TRIML1: variants seen among roughly 807,000 people sequenced by gnomAD.
TRIML1 encodes tripartite motif family like 1, also known as probable E3 ubiquitin-protein ligase TRIML1.
A neutral mutation model predicts 32.3 loss-of-function variants in TRIML1; 34 were observed. The observed-to-expected ratio is 1.05, with a 90% confidence interval of 0.80 to 1.40. The LOEUF (loss-of-function observed/expected upper bound fraction) is 1.40, where lower values mean the gene tolerates loss of function less well. Among genes scored for constraint, TRIML1 ranks in the 40% most tolerant of loss-of-function variants. The pLI is 0.00. For synonymous variants in TRIML1, 244 were observed against 226.6 expected (o/e 1.08, Z -0.69); for missense variants, 595 against 574.9 (o/e 1.03, Z -0.36).
At position 188,139,523 on chromosome 4, in the gene TRIML1, G is replaced by C. The variant is rs1734764248; in HGVS notation, c.-36G>C. ...TGAGGGCTTTGCTAATCCCAGAACA[G>C]AGGTGTAACCTGGCTGCATATCCAG... On this transcript the variant is annotated 5_prime_UTR_variant, in exon 1 of 6. Transcript: ENST00000332517. The C allele has an allele frequency of 6.5e-7, 1 of 1,537,426 alleles. No individual in the cohort carries two copies.
rs1434116959 is a variant in TRIML1, at chr4:188,139,792, C to T, written c.234C>T (p.Ala78=). ...GTCTGGGGAGGCTGGCCAGCATCGC[C>T]AGGCAGCTCCGGTCCCAGGTGCTGC... is the stretch of plus-strand genomic sequence containing the variant. ...NERLGRLASI[A]RQLRSQVLQS... The change falls in exon 1 of 6, where the codon GCC becomes GCT. Residue 78 remains alanine (A), a synonymous_variant. Transcript: ENST00000332517. The T allele has an allele frequency of 1.9e-6, 3 of 1,613,926 alleles. No homozygotes were observed. The highest frequency in any genetic ancestry group is 2.5e-6 in the Non-Finnish European group (3 of 1,180,008).
intron 1 of TRIML1, among the ~76,000 whole-genome samples, chr4:188,140,222 GCCATTCT>G (rs1473469671): frequency 6.6e-6 from 1 of 151,292 alleles, no homozygotes; most frequent in Non-Finnish European, 1.5e-5. Context: ...CCAGGTTCAC[GCCATTCT>G]CCTGCCTCAG....
At chr4:188,148,575 G>T (rs944851160), downstream of TRIML1, among the ~76,000 whole-genome samples, 1 of 151,988 alleles carries the variant, frequency 6.6e-6, no homozygotes, top group African/African-American at 2.4e-5. Flanking sequence ...CATTAGGCTC[G>T]CTGTCTTTAG....
At chr4:188,144,761 G>A (rs577526596) in intron 5 of TRIML1, among the ~76,000 whole-genome samples, 2 of 152,144 alleles carry the variant, frequency 1.3e-5, no homozygotes, top group South Asian at 4.2e-4. Context: ...TACATTTCTA[G>A]CTCTGATCCC....
intron 2 of TRIML1, 45 bp from the exon 3 acceptor site, chr4:188,142,207 C>CGTGTGTGTCT (rs1734883227): frequency 1.1e-6 from 1 of 898,246 alleles, no homozygotes; most frequent in African/African-American, 1.8e-5. Context: ...AACTTTATCT[C>CGTGTGTGTCT]GTGTGTGTGT....
In TRIML1 at chr4:188,143,830, A is replaced by C; in HGVS notation, c.736-8A>C. 1 of 1,613,920 alleles carries C rather than the reference A, an allele frequency of 6.2e-7. No individual in the cohort carries two copies. The highest frequency in any genetic ancestry group is 8.5e-7 in the Non-Finnish European group (1 of 1,179,978). Reference sequence around the variant, plus strand: ...CACCATGCTAACTTCTTTCTTTTTTACCCGTAGGAAGTGAGAGGAGCCCTG... The same window carrying C: ...CACCATGCTAACTTCTTTCTTTTTTCCCCGTAGGAAGTGAGAGGAGCCCTG... On this transcript the variant is annotated splice_region_variant and splice_polypyrimidine_tract_variant and intron_variant, in intron 3 of 5. Coordinates refer to ENST00000332517, the MANE Select transcript of TRIML1 (RefSeq NM_178556.5).
chr4:188,149,876 C>T (rs1735204684), downstream of TRIML1, among the ~76,000 whole-genome samples: 2 of 152,106 alleles, frequency 1.3e-5, no homozygotes, highest in Non-Finnish European at 2.9e-5. Context: ...CATCTTGGCT[C>T]ACCGAAACCT....
rs61461219 is a variant in TRIML1 at position 188,142,207 on chromosome 4, C to CGTGTGTGT, written c.505-16_505-9dup. On this transcript the variant is annotated intron_variant, in intron 2 of 5. Coordinates refer to ENST00000332517, the MANE Select transcript of TRIML1 (RefSeq NM_178556.5). ...GGCATTTCTCTTACTAACTTTATCTCGTGTGTGTGTGTGTGTGTGTGTGTG... is the reference window on the plus strand; with the variant it reads ...GGCATTTCTCTTACTAACTTTATCTCGTGTGTGTGTGTGTGTGTGTGTGTGTGTGTGTG... 9.6e-3 allele frequency: 9,676 copies of CGTGTGTGT among 1,012,766 alleles called. 90 individuals carry two copies. Among genetic ancestry groups the CGTGTGTGT allele is most frequent in the African/African-American group, 0.053 (2,988 of 56,774 alleles). 62.7% of individuals were successfully genotyped at this position (1,012,766 alleles called of 1,614,324 possible).
downstream of TRIML1, among the ~76,000 whole-genome samples, chr4:188,149,924 T>G (rs1247045454): frequency 6.6e-6 from 1 of 151,982 alleles, no homozygotes; most frequent in Non-Finnish European, 1.5e-5. Flanking sequence ...TGCCTCAGCC[T>G]CCCGAGTAGC....
At chr4:188,150,674 T>A (rs1735230311), downstream of TRIML1, among the ~76,000 whole-genome samples, 1 of 151,890 alleles carries the variant, frequency 6.6e-6, no homozygotes, top group African/African-American at 2.4e-5. Flanking sequence ...TGGTAGATAC[T>A]GACAAAGAGT....
At chr4:188,139,265 T>C (rs1461440436), upstream of TRIML1, among the ~76,000 whole-genome samples, 1 of 152,110 alleles carries the variant, frequency 6.6e-6, no homozygotes, top group Non-Finnish European at 1.5e-5. Flanking sequence ...GTAATCCTGT[T>C]AGAAGCCAGA....
rs1279186527 is a variant in TRIML1 at position 188,143,794 on chromosome 4, T to C, written c.736-44T>C. ...TGCAAAATGAATTTCGTCTGTGTTATGATCAAAGCGCACCATGCTAACTTC... is the reference window on the plus strand; with the variant it reads ...TGCAAAATGAATTTCGTCTGTGTTACGATCAAAGCGCACCATGCTAACTTC... On this transcript the variant is annotated intron_variant, in intron 3 of 5. Transcript: ENST00000332517. 4.3e-6 allele frequency: 7 copies of C among 1,613,042 alleles called. No individual in the cohort carries two copies. In the South Asian group the frequency reaches 6.6e-5, roughly 15 times the overall value.
intron 5 of TRIML1, 43 bp downstream of exon 5, chr4:188,144,176 T>TA: frequency 6.6e-7 from 1 of 1,519,940 alleles, no homozygotes; most frequent in Non-Finnish European, 9.1e-7. Context: ...CTCGAAGAAT[T>TA]AACTTCAGCA....
intron 1 of TRIML1, 74 bp from the exon 2 acceptor site, chr4:188,140,454 G>T: frequency 8.2e-7 from 1 of 1,213,666 alleles, no homozygotes; most frequent in Admixed American, 1.7e-5. Context: ...GGACTGCGCA[G>T]TTACTGGTCT....
chr4:188,150,560 G>C (rs549253035), downstream of TRIML1, among the ~76,000 whole-genome samples: 2 of 152,068 alleles, frequency 1.3e-5, no homozygotes, highest in African/African-American at 2.4e-5. Flanking sequence ...TTTTGTGGAG[G>C]GACTAAATAA....
At chr4:188,141,048 CA>C (rs1734833351) in intron 2 of TRIML1, among the ~76,000 whole-genome samples, 1 of 151,898 alleles carries the variant, frequency 6.6e-6, no homozygotes, top group Non-Finnish European at 1.5e-5. Flanking sequence ...GACAAGTCCT[CA>C]AGGTTGGTCA....
chr4:188,146,362 A>G lies in TRIML1; in HGVS notation c.857-460A>G, dbSNP rs564847088. ...CTGTCTCCATTTAGAGCTTCATGCT[A>G]TGTGTTGTGGAACAGTCAAAGAAGA... On this transcript the variant is annotated intron_variant, in intron 5 of 5. Transcript: ENST00000332517. Among the ~76,000 whole-genome samples, 5 of 152,300 alleles carry G rather than the reference A, an allele frequency of 3.3e-5. No individual in the cohort carries two copies. In the East Asian group the frequency reaches 5.8e-4, roughly 18 times the overall value.
At chr4:188,149,912 C>T (rs1477413359), downstream of TRIML1, among the ~76,000 whole-genome samples, 1 of 152,116 alleles carries the variant, frequency 6.6e-6, no homozygotes, top group Non-Finnish European at 1.5e-5. Context: ...AAACGATTCT[C>T]CTGCCTCAGC....
chr4:188,142,218 G>A (rs1371111661), intron 2 of TRIML1, 34 bp from the exon 3 acceptor site: 1 of 995,242 alleles, frequency 1.0e-6, no homozygotes, highest in Admixed American at 2.5e-5. Flanking sequence ...GTGTGTGTGT[G>A]TGTGTGTGTG....
Sources: allele counts gnomAD v4.1 joint callset (sites outside exome capture counted in the v4.1 genomes callset), GRCh38; gene constraint gnomAD v4.1.1; transcripts MANE v1.5; gene names NCBI Gene and HGNC (gene_info 2026-07-23, HGNC 2026-07-21).